Variants in STK32C observed in about 807,000 individuals in gnomAD.
The protein encoded by STK32C is serine/threonine-protein kinase 32C.
Under a neutral mutation model 56.5 loss-of-function variants are expected in STK32C, and 31 were observed. The observed-to-expected ratio is 0.55, with a 90% CI of 0.41 to 0.74. STK32C has a LOEUF of 0.74. STK32C is among the 30% of genes least tolerant of loss of function. The probability of loss-of-function intolerance (pLI) is 0.00; values close to 1 mark genes in which losing one functional copy is unlikely to be tolerated. For synonymous variants in STK32C, 309 were observed against 289.4 expected (o/e 1.07, Z -0.69); for missense variants, 544 against 676.9 (o/e 0.80, Z 2.18).
chr10:132,222,586 A>C, intron 10 of STK32C, 55 bp downstream of exon 10: 1 of 1,593,358 alleles, frequency 6.3e-7, no homozygotes, highest in Admixed American at 1.7e-5. Flanking sequence ...TCGGTGGTAG[A>C]GAGGAGCCCC....
intron 2 of STK32C, among the ~76,000 whole-genome samples, chr10:132,230,976 CCT>C (rs1214470261): frequency 6.6e-6 from 1 of 152,194 alleles, no homozygotes; most frequent in African/African-American, 2.4e-5. Context: ...CCCTCTGGGC[CCT>C]GTCACATGTG....
intron 1 of STK32C, chr10:132,249,118 G>C (rs1484442932): frequency 2.2e-6 from 1 of 462,838 alleles, no homozygotes; most frequent in East Asian, 6.6e-5. Context: ...TGCGTGCCGG[G>C]GCGGGGCTGT....
chr10:132,238,115 C>T (rs1420443130), intron 2 of STK32C, among the ~76,000 whole-genome samples: 4 of 152,136 alleles, frequency 2.6e-5, no homozygotes, highest in African/African-American at 9.7e-5. Flanking sequence ...GCAGTGCTGG[C>T]GGGGGAACTT....
intron 1 of STK32C, chr10:132,248,965 C>A (rs2063787285): frequency 4.4e-6 from 2 of 456,904 alleles, no homozygotes; most frequent in Admixed American, 2.3e-5. Flanking sequence ...GAAACAAAAT[C>A]TATTAAATAA....
chr10:132,240,301 C>T (rs1018637560), intron 2 of STK32C, among the ~76,000 whole-genome samples: 4 of 152,234 alleles, frequency 2.6e-5, no homozygotes, highest in African/African-American at 9.6e-5. Context: ...CTCCTCCCGG[C>T]GTGGACTCAG....
At chr10:132,214,922 A>C (rs2062422489) in intron 10 of STK32C, among the ~76,000 whole-genome samples, 1 of 152,278 alleles carries the variant, frequency 6.6e-6, no homozygotes, top group African/African-American at 2.4e-5. Flanking sequence ...AAAATGCTTA[A>C]TTAAAACCAG....
At chr10:132,321,413 C>T (rs1416889512), downstream of STK32C, among the ~76,000 whole-genome samples, 1 of 152,130 alleles carries the variant, frequency 6.6e-6, no homozygotes, top group African/African-American at 2.4e-5. Context: ...ACTGGAGTCA[C>T]GTCACCCTCC....
rs11813504 is a variant in STK32C at position 132,276,826 on chromosome 10, T to C, written c.262+30746A>G. ...CAATGTATCTTCTCCCAAGGTTTCCTCCGTTACCCCAGCGTGGCCCACGGT... is the reference window on the plus strand; with the variant it reads ...CAATGTATCTTCTCCCAAGGTTTCCCCCGTTACCCCAGCGTGGCCCACGGT... On this transcript the variant is annotated intron_variant, in intron 1 of 11. Coordinates refer to ENST00000298630, the MANE Select transcript of STK32C (RefSeq NM_173575.4). Among the ~76,000 whole-genome samples the C allele has an allele frequency of 3.6e-3, 539 of 150,494 alleles. 4 individuals are homozygous for C. Among genetic ancestry groups the C allele is most frequent in the African/African-American group, 0.013 (525 of 41,102 alleles).
intron 1 of STK32C, among the ~76,000 whole-genome samples, chr10:132,303,674 G>A (rs2065975355): frequency 6.6e-6 from 1 of 152,182 alleles, no homozygotes; most frequent in Non-Finnish European, 1.5e-5. Context: ...AACATTTAAG[G>A]TAAAAAGATG....
In STK32C at chr10:132,224,455, G is replaced by T. The variant is rs774122560; in HGVS notation, c.945C>A (p.Val315=). 17 of 1,566,012 alleles carry T rather than the reference G, an allele frequency of 1.1e-5. No individual in the cohort carries two copies. Among genetic ancestry groups the T allele is most frequent in the Admixed American group, 1.9e-5 (1 of 52,590 alleles). The stretch of plus-strand genomic sequence containing the variant: ...CCTTGGACCACGTGGGGACATACTG[G>T]ACGCTCACGGTGCTGAACAGCTGCA... ...SLVQLFSTVS[V]QYVPTWSKEM... The change falls in exon 8 of 12, where the codon GTC becomes GTA. Residue 315 remains valine, a synonymous_variant. Transcript: ENST00000298630.
intron 2 of STK32C, among the ~76,000 whole-genome samples, chr10:132,235,979 G>A (rs1169235609): frequency 5.3e-5 from 8 of 152,214 alleles, no homozygotes; most frequent in Non-Finnish European, 5.9e-5. Context: ...AGGGCACAGC[G>A]GGAGGTGGCG....
At chr10:132,216,351 C>T (rs1055022970) in intron 10 of STK32C, among the ~76,000 whole-genome samples, 3 of 151,626 alleles carry the variant, frequency 2.0e-5, no homozygotes, top group Admixed American at 6.6e-5. Flanking sequence ...GTAATCCCAG[C>T]TACTTGGGAG....
In STK32C at chr10:132,307,553, T is replaced by TC; in HGVS notation, c.262+18dup. On this transcript the variant is annotated intron_variant, in intron 1 of 11. Transcript: ENST00000298630. The surrounding 1 kb of genome is among the most constrained non-coding windows in gnomAD (Gnocchi z 4.4). ...GCAATAGCGCGCGGCCCCCACGTCGTCCCCGTGCCCGCACTCACCGTCCTC... is the reference window on the plus strand; with the variant it reads ...GCAATAGCGCGCGGCCCCCACGTCGTCCCCCGTGCCCGCACTCACCGTCCTC... 6.8e-7 allele frequency: 1 copy of TC among 1,474,240 alleles called. No homozygotes were observed. 91.3% of individuals were successfully genotyped at this position (1,474,240 alleles called of 1,614,324 possible). A position where few individuals can be genotyped will look rare whatever the true frequency, so the allele number is the denominator to read the frequency against.
chr10:132,284,732 G>C (rs1326648432), intron 1 of STK32C, among the ~76,000 whole-genome samples: 91 of 58,930 alleles, frequency 1.5e-3, no homozygotes, highest in Admixed American at 3.9e-3. Context: ...ATTCTCACAC[G>C]TGCCCAAAGA....
chr10:132,270,623 C>T (rs1010283899), intron 1 of STK32C, among the ~76,000 whole-genome samples: 2 of 152,232 alleles, frequency 1.3e-5, no homozygotes, highest in African/African-American at 4.8e-5. Flanking sequence ...CCCCGGCCTG[C>T]CGGATATGAA....
intron 2 of STK32C, 90 bp from the exon 3 acceptor site, chr10:132,228,218 GCAT>G (rs2062965220): frequency 5.7e-6 from 9 of 1,569,330 alleles, no homozygotes; most frequent in Non-Finnish European, 7.9e-6. Flanking sequence ...GCCTGGGGAC[GCAT>G]CGTCAGGACA....
chr10:132,305,074 C>T (rs2066019830), intron 1 of STK32C, among the ~76,000 whole-genome samples: 2 of 152,210 alleles, frequency 1.3e-5, no homozygotes, highest in Non-Finnish European at 2.9e-5. Context: ...CGCCATGCAG[C>T]TCTGGTGCAG....
chr10:132,223,764 C>T (rs766104400), intron 8 of STK32C, among the ~76,000 whole-genome samples: 2 of 152,216 alleles, frequency 1.3e-5, no homozygotes, highest in African/African-American at 4.8e-5. Context: ...GTGGCACACT[C>T]ACTCCCCTCC....
rs984791452 is a variant in STK32C, at chr10:132,225,935, A to G, written c.645-151T>C. 53 of 1,012,968 alleles carry G rather than the reference A, an allele frequency of 5.2e-5. No homozygotes were observed. The Admixed American group carries it at 9.6e-4, about 18-fold the overall frequency. The allele number at this position is 1,012,968 out of a possible 1,614,324, so 62.7% of individuals were successfully genotyped here. A position where few individuals can be genotyped will look rare whatever the true frequency, so the allele number is the denominator to read the frequency against. On this transcript the variant is annotated intron_variant, in intron 4 of 11. Transcript: ENST00000298630. ...CTTGACTTGGTCCTTGGATGATGCTAGGACCTCACACCCCTGCGTGGGGGC... is the reference window on the plus strand; with the variant it reads ...CTTGACTTGGTCCTTGGATGATGCTGGGACCTCACACCCCTGCGTGGGGGC...
Sources: allele counts gnomAD v4.1 joint callset (sites outside exome capture counted in the v4.1 genomes callset), GRCh38; gene constraint gnomAD v4.1.1; non-coding constraint Gnocchi (gnomAD v3.1); transcripts MANE v1.5; gene names NCBI Gene and HGNC (gene_info 2026-07-23, HGNC 2026-07-21).